Variants in CMIP observed in about 807,000 individuals in gnomAD.
The protein encoded by CMIP is c-Maf inducing protein.
CMIP carries 13 observed loss-of-function variants against 97.3 expected under a neutral mutation model. That is an observed-to-expected ratio of 0.13 (90% CI 0.09 to 0.21). The LOEUF is 0.21. CMIP is among the 10% of genes least tolerant of loss of function. The probability of loss-of-function intolerance (pLI) is 1.00; values close to 1 mark genes in which losing one functional copy is unlikely to be tolerated. For synonymous variants in CMIP, 538 were observed against 436.3 expected, an observed-to-expected ratio of 1.23 and a Z score of -2.91; for missense variants, 847 against 1,024.9, an observed-to-expected ratio of 0.83 and a Z score of 2.37.
chr16:81,657,362 G>A (rs1329017950), intron 4 of CMIP, among the ~76,000 whole-genome samples: 1 of 152,184 alleles, frequency 6.6e-6, no homozygotes, highest in Admixed American at 6.5e-5. Flanking sequence ...TAGGACTCTT[G>A]AAAGGTCTGT....
chr16:81,579,542 G>C (rs1165313308), intron 1 of CMIP, among the ~76,000 whole-genome samples: 3 of 152,190 alleles, frequency 2.0e-5, no homozygotes, highest in Non-Finnish European at 4.4e-5. Flanking sequence ...ACTGGGAAGA[G>C]GGAAAATGTG....
At chr16:81,541,544 C>T (rs752634719) in intron 1 of CMIP, among the ~76,000 whole-genome samples, 14 of 152,140 alleles carry the variant, frequency 9.2e-5, no homozygotes, top group Non-Finnish European at 1.9e-4. Flanking sequence ...AACCTGGTTA[C>T]GCTGGTGAGA....
chr16:81,463,407 T>A (rs1297644141), intron 1 of CMIP, among the ~76,000 whole-genome samples: 1 of 152,232 alleles, frequency 6.6e-6, no homozygotes, highest in African/African-American at 2.4e-5. Flanking sequence ...TTGCATGTTC[T>A]AAAGCCAAAA....
rs1907174163 is a variant in CMIP at position 81,699,717 on chromosome 16, C to G, written c.1671C>G (p.Thr557=). ...VHILMGSCYK[T]KKFLLSLAEN... is the part of the protein sequence containing the mutation. ...TCCTCATGGGCTCCTGTTACAAGAC[C>G]AAAAAATTCCTGCTCTCCCTGGCAG... is the stretch of plus-strand genomic sequence containing the variant. The change falls in exon 15 of 21, where the codon ACC becomes ACG. Residue 557 remains threonine (T), a synonymous_variant. Transcript: ENST00000537098. 1.2e-6 allele frequency: 2 copies of G among 1,613,600 alleles called. No individual in the cohort carries two copies. The highest frequency in any genetic ancestry group is 1.7e-6 in the Non-Finnish European group (2 of 1,179,718).
rs1293777122 is a variant in CMIP at position 81,644,102 on chromosome 16, G to A, written c.478-8101G>A. On this transcript the variant is annotated intron_variant, in intron 3 of 20. Transcript: ENST00000537098. ...GCCCTGACCTGTAATGAAAACGAAC[G>A]AAACATGCATTTACAATATTTCTTT... Among the ~76,000 whole-genome samples, 6 of 152,304 alleles carry A rather than the reference G, an allele frequency of 3.9e-5. No individual in the cohort carries two copies. In the East Asian group the frequency reaches 5.8e-4, roughly 15 times the overall value.
At chr16:81,557,392 C>T (rs2090786398) in intron 1 of CMIP, among the ~76,000 whole-genome samples, 1 of 152,116 alleles carries the variant, frequency 6.6e-6, no homozygotes, top group Non-Finnish European at 1.5e-5. Flanking sequence ...TCACTTATTA[C>T]TGTGTACTTA....
At chr16:81,690,472 C>T (rs892315547) in intron 10 of CMIP, among the ~76,000 whole-genome samples, 8 of 152,212 alleles carry the variant, frequency 5.3e-5, no homozygotes, top group African/African-American at 1.9e-4. Context: ...CAAGGCCAGG[C>T]ATGGTGCCTC....
rs2092476121 is a variant in CMIP, at chr16:81,655,898, G to T, written c.640-1877G>T. Among the ~76,000 whole-genome samples, 1 of 152,116 alleles carries T rather than the reference G, an allele frequency of 6.6e-6. No individual in the cohort carries two copies. The highest frequency in any genetic ancestry group is 1.5e-5 in the Non-Finnish European group (1 of 68,028). On this transcript the variant is annotated intron_variant, in intron 4 of 20. Coordinates refer to ENST00000537098, the MANE Select transcript of CMIP (RefSeq NM_198390.3). The surrounding 1 kb of genome is among the most constrained non-coding windows in gnomAD (Gnocchi z 4.9). ...CTGTCATAATCAAAAGAAATTGGTGGCATGAGCAAAACAAAGCTCTTACAC... is the reference window on the plus strand; with the variant it reads ...CTGTCATAATCAAAAGAAATTGGTGTCATGAGCAAAACAAAGCTCTTACAC...
At chr16:81,651,106 G>A (rs1021634978) in intron 3 of CMIP, 1 of 152,258 alleles carries the variant, frequency 6.6e-6, no homozygotes, top group Admixed American at 6.5e-5. Flanking sequence ...TTCTGACTTT[G>A]GCTCAGAGAT....
intron 1 of CMIP, among the ~76,000 whole-genome samples, chr16:81,510,971 C>T (rs747555226): frequency 9.9e-5 from 15 of 152,192 alleles, no homozygotes; most frequent in Admixed American, 5.9e-4. Context: ...CCACCTGATT[C>T]GGCCTCCCAT....
At chr16:81,545,467 C>G (rs149383714) in intron 1 of CMIP, among the ~76,000 whole-genome samples, 1 of 152,170 alleles carries the variant, frequency 6.6e-6, no homozygotes, top group Non-Finnish European at 1.5e-5. Flanking sequence ...TCAGTAATAA[C>G]GTTTACTGAG....
chr16:81,622,403 C>T (rs926753900), intron 3 of CMIP, among the ~76,000 whole-genome samples: 16 of 152,084 alleles, frequency 1.1e-4, no homozygotes, highest in Non-Finnish European at 1.8e-4. Flanking sequence ...TCTTTGTGCC[C>T]GGGTACGAGT....
rs1055994916 is a variant in CMIP, at chr16:81,653,972, G to A, written c.639+1608G>A. On this transcript the variant is annotated intron_variant, in intron 4 of 20. Coordinates refer to ENST00000537098, the MANE Select transcript of CMIP (RefSeq NM_198390.3). ...GAGGAAATTGAGGCCCAGTGATACT[G>A]AGTGACCTGCCCAACTCACGTGGCA... Among the ~76,000 whole-genome samples the A allele has an allele frequency of 5.9e-5, 9 of 152,184 alleles. 1 individual carries two copies. Among genetic ancestry groups the A allele is most frequent in the Non-Finnish European group, 1.2e-4 (8 of 68,040 alleles).
chr16:81,670,246 G>T lies in CMIP; in HGVS notation c.929+1G>T. On this transcript the variant is annotated splice_donor_variant, in intron 8 of 20. Coordinates refer to ENST00000537098, the MANE Select transcript of CMIP (RefSeq NM_198390.3). LOFTEE classifies it high-confidence loss of function. ...AAGTGGTGAAGAAGTTCATTCAGAG[G>T]TGGGTCTCCGGCGCGACGTCCCTCT... 1 of 1,607,742 alleles carries T rather than the reference G, an allele frequency of 6.2e-7. No individual in the cohort carries two copies. The highest frequency in any genetic ancestry group is 8.5e-7 in the Non-Finnish European group (1 of 1,177,080).
intron 1 of CMIP, among the ~76,000 whole-genome samples, chr16:81,597,776 G>A (rs1240166203): frequency 6.6e-6 from 1 of 152,128 alleles, no homozygotes; most frequent in Non-Finnish European, 1.5e-5. Context: ...AAGATGCCCA[G>A]TGGCACATAT....
chr16:81,495,430 C>A (rs773536136), intron 1 of CMIP: 1 of 1,606,216 alleles, frequency 6.2e-7, no homozygotes, highest in African/African-American at 1.3e-5. Context: ...GCTCTGTTTC[C>A]TGCGAGGAGG....
At chr16:81,646,316 A>ATGGG (rs2092364430) in intron 3 of CMIP, among the ~76,000 whole-genome samples, 1 of 151,686 alleles carries the variant, frequency 6.6e-6, no homozygotes, top group Admixed American at 6.6e-5. Flanking sequence ...GTGTGGGTGA[A>ATGGG]TGGTAGGTGG....
intron 5 of CMIP, among the ~76,000 whole-genome samples, chr16:81,660,644 G>A (rs2092534882): frequency 6.6e-6 from 1 of 152,116 alleles, no homozygotes; most frequent in Non-Finnish European, 1.5e-5. Context: ...CCATCCCAGT[G>A]CCCTCTTTAG....
chr16:81,492,865 G>A (rs536691550), intron 1 of CMIP, among the ~76,000 whole-genome samples: 1 of 152,086 alleles, frequency 6.6e-6, no homozygotes, highest in East Asian at 1.9e-4. Flanking sequence ...ACGGGGAGCT[G>A]TGTGGGGTGG....
Sources: allele counts gnomAD v4.1 joint callset (sites outside exome capture counted in the v4.1 genomes callset), GRCh38; gene constraint gnomAD v4.1.1; non-coding constraint Gnocchi (gnomAD v3.1); transcripts MANE v1.5; gene names NCBI Gene and HGNC (gene_info 2026-07-23, HGNC 2026-07-21).